The following ABCA4 variants were observed in gnomAD, a reference collection of about 807,000 sequenced individuals.
ABCA4 encodes ATP binding cassette subfamily A member 4, also known as retinal-specific phospholipid-transporting ATPase ABCA4.
In ABCA4, 196 loss-of-function variants were observed where a neutral mutation model predicts 263.7. The ratio of observed to expected loss-of-function variants is 0.74; its 90% CI spans 0.66 to 0.84. ABCA4 has a LOEUF of 0.84. Ranked by LOEUF, ABCA4 falls within the 40% of genes least tolerant of loss-of-function variation. The pLI, the probability that ABCA4 is intolerant of heterozygous loss-of-function variation, is 0.00. For synonymous variants in ABCA4, 1,133 were observed against 1,094.2 expected (o/e 1.04, Z -0.70); for missense variants, 2,792 against 2,855.1 (o/e 0.98, Z 0.50).
At chr1:94,078,078 G>T (rs1022859403) in intron 10 of ABCA4, among the ~76,000 whole-genome samples, 191 bp from the exon 11 acceptor site, 3 of 152,174 alleles carry the variant, frequency 2.0e-5, no homozygotes, top group Admixed American at 6.5e-5. Context: ...TGGGTCTCTA[G>T]AATAGAGGGA....
At chr1:94,082,585 G>T (rs374391252) in intron 7 of ABCA4, among the ~76,000 whole-genome samples, 1 of 152,182 alleles carries the variant, frequency 6.6e-6, no homozygotes, top group Non-Finnish European at 1.5e-5. Flanking sequence ...GTTTTATAAA[G>T]ACAGATTCCA....
intron 11 of ABCA4, among the ~76,000 whole-genome samples, chr1:94,067,206 A>G (rs562744827): frequency 6.8e-6 from 1 of 146,686 alleles, no homozygotes; most frequent in Admixed American, 6.9e-5. Flanking sequence ...AGTGCTAATG[A>G]CAGTATACCT....
At chr1:94,063,003 TAAC>T in intron 12 of ABCA4, 106 bp downstream of exon 12, 1 of 1,202,468 alleles carries the variant, frequency 8.3e-7, no homozygotes, top group Non-Finnish European at 1.2e-6. Context: ...TTTTCTTATT[TAAC>T]TTAATTTTAT....
intron 32 of ABCA4, 102 bp downstream of exon 32, chr1:94,023,284 C>G (rs190475334): frequency 1.0e-6 from 1 of 974,866 alleles, no homozygotes; most frequent in Non-Finnish European, 1.6e-6. Flanking sequence ...ACCTACAGAA[C>G]AGCCCCTCCT....
At chr1:94,054,940 C>T (rs758947123) in intron 16 of ABCA4, among the ~76,000 whole-genome samples, 171 bp downstream of exon 16, 14 of 152,162 alleles carry the variant, frequency 9.2e-5, no homozygotes, top group Non-Finnish European at 1.8e-4. Flanking sequence ...GGATTTGTTT[C>T]TCAAGTAGAG....
intron 22 of ABCA4, 111 bp downstream of exon 22, chr1:94,042,650 G>A (rs1570372477): frequency 7.0e-7 from 1 of 1,423,494 alleles, no homozygotes; most frequent in Non-Finnish European, 9.9e-7. Context: ...CCTTCTGAGT[G>A]TAGTCATTGT....
intron 21 of ABCA4, 29 bp downstream of exon 21, chr1:94,043,307 T>C: frequency 6.2e-7 from 1 of 1,613,910 alleles, no homozygotes; most frequent in Non-Finnish European, 8.5e-7. Flanking sequence ...TTGCCATCTG[T>C]GGCCCTGTCT....
chr1:94,111,322 T>C, intron 3 of ABCA4, 116 bp downstream of exon 3: 1 of 1,406,864 alleles, frequency 7.1e-7, no homozygotes, highest in Non-Finnish European at 9.8e-7. Flanking sequence ...GGTTAGGGGC[T>C]CAGCAAAGCC....
intron 14 of ABCA4, among the ~76,000 whole-genome samples, chr1:94,057,744 C>T (rs972127754): frequency 6.6e-6 from 1 of 152,182 alleles, no homozygotes; most frequent in African/African-American, 2.4e-5. Flanking sequence ...AAACTAGCAA[C>T]TTTTGCTAGG....
intron 14 of ABCA4, among the ~76,000 whole-genome samples, chr1:94,059,244 G>A (rs1028973068): frequency 3.3e-5 from 5 of 152,146 alleles, no homozygotes; most frequent in African/African-American, 1.2e-4. Flanking sequence ...ACTGAGGGAT[G>A]GGAAAGAACA....
chr1:94,080,344 GAAGTCTCTTTACCT>G (rs1361275373), intron 8 of ABCA4, 120 bp downstream of exon 8: 2 of 1,232,822 alleles, frequency 1.6e-6, no homozygotes, highest in Non-Finnish European at 1.2e-6. Context: ...CTTTCTGGGA[GAAGTCTCTTTACCT>G]AAGGCCACTC....
intron 26 of ABCA4, among the ~76,000 whole-genome samples, chr1:94,036,046 G>T (rs1053280248): frequency 6.6e-6 from 1 of 152,138 alleles, no homozygotes; most frequent in Non-Finnish European, 1.5e-5. Context: ...TGACGTCTGA[G>T]TTGTATTTGA....
intron 1 of ABCA4, 85 bp downstream of exon 1, chr1:94,120,895 A>AGCC: frequency 6.6e-6 from 1 of 152,642 alleles, no homozygotes; most frequent in Non-Finnish European, 1.3e-5. Flanking sequence ...CTGCCCCACC[A>AGCC]CCCTACCCCA....
In ABCA4 at chr1:94,111,508, T is replaced by C; in HGVS notation, c.232A>G (p.Asn78Asp). ...GTGGGGCTTTGAAAACAGGGATTGT[T>C]CACATTGCAGAAGATCCCCTGGAGC... ...PWLQGIFCNV[N>D]NPCFQSPTPG... Residue 78 changes from asparagine to aspartate, a missense_variant, in exon 3 of 50, where the codon AAC becomes GAC. By Grantham distance (23) the Asn-to-Asp change is conservative. Transcript: ENST00000370225. The C allele has an allele frequency of 1.2e-6, 2 of 1,614,124 alleles. No individual in the cohort carries two copies. The highest frequency in any genetic ancestry group is 1.7e-6 in the Non-Finnish European group (2 of 1,179,984).
intron 6 of ABCA4, among the ~76,000 whole-genome samples, chr1:94,097,018 G>A (rs958902963): frequency 6.6e-6 from 1 of 152,214 alleles, no homozygotes; most frequent in Non-Finnish European, 1.5e-5. Flanking sequence ...CAGCTGCCTG[G>A]AATAAGGGAC....
chr1:94,025,616 C>T (rs1247068354), intron 30 of ABCA4: 1 of 176,434 alleles, frequency 5.7e-6, no homozygotes, highest in African/African-American at 2.4e-5. Flanking sequence ...CCTGGTGCAG[C>T]TTTGTGCTTG....
At chr1:94,053,701 C>T (rs1660899559) in intron 16 of ABCA4, among the ~76,000 whole-genome samples, 1 of 152,222 alleles carries the variant, frequency 6.6e-6, no homozygotes, top group Admixed American at 6.5e-5. Flanking sequence ...CATGGCCCTG[C>T]CAACACCTTG....
chr1:94,118,820 G>A (rs1041537982), intron 1 of ABCA4, among the ~76,000 whole-genome samples: 7 of 152,216 alleles, frequency 4.6e-5, no homozygotes, highest in South Asian at 4.1e-4. Flanking sequence ...AGGCCAGATT[G>A]AGAGGGAGGG....
intron 16 of ABCA4, among the ~76,000 whole-genome samples, chr1:94,054,606 T>C (rs889775903): frequency 2.0e-5 from 3 of 152,066 alleles, no homozygotes; most frequent in Non-Finnish European, 4.4e-5. Context: ...ATGCGCTCGG[T>C]GTATTAAACA....
Sources: gnomAD v4.1 joint callset for allele counts (sites outside exome capture counted in the v4.1 genomes callset) on GRCh38, gnomAD v4.1.1 for gene constraint, MANE v1.5 for transcripts, NCBI Gene and HGNC (gene_info 2026-07-23, HGNC 2026-07-21) for gene names.